The following ARHGAP32 variants were observed in gnomAD, a reference collection of about 807,000 sequenced individuals.
The protein encoded by ARHGAP32 is rho GTPase-activating protein 32.
Under a neutral mutation model 186.5 loss-of-function variants are expected in ARHGAP32, and 51 were observed. The ratio of observed to expected loss-of-function variants is 0.27; its 90% CI spans 0.22 to 0.35. The LOEUF (loss-of-function observed/expected upper bound fraction) is 0.35. Ranked by LOEUF, ARHGAP32 falls within the 10% of genes least tolerant of loss-of-function variation. The pLI is 1.00. For missense variants in ARHGAP32, 2,186 were observed against 2,623.5 expected, an observed-to-expected ratio of 0.83 and a Z score of 3.64; for synonymous variants, 950 against 964.3, an observed-to-expected ratio of 0.99 and a Z score of 0.27.
chr11:129,260,012 G>A (rs965098181), intron 1 of ARHGAP32, among the ~76,000 whole-genome samples: 38 of 152,264 alleles, frequency 2.5e-4, no homozygotes, highest in African/African-American at 8.9e-4. Context: ...CACAGCCACA[G>A]AAGTTCAAAG....
intron 11 of ARHGAP32, among the ~76,000 whole-genome samples, chr11:129,016,851 G>A (rs895201735): frequency 1.8e-4 from 28 of 152,256 alleles, no homozygotes; most frequent in African/African-American, 6.5e-4. Context: ...GAACATAATA[G>A]ATCTCTCCAC....
At chr11:129,218,457 C>G (rs991973885) in intron 1 of ARHGAP32, among the ~76,000 whole-genome samples, 9 of 152,050 alleles carry the variant, frequency 5.9e-5, no homozygotes, top group African/African-American at 1.9e-4. Flanking sequence ...ATCTCACACA[C>G]ACACACACAC....
chr11:128,999,735 G>A (rs1946303786), intron 11 of ARHGAP32, among the ~76,000 whole-genome samples: 1 of 152,164 alleles, frequency 6.6e-6, no homozygotes, highest in African/African-American at 2.4e-5. Context: ...ACTGGGGGCT[G>A]GTTCCCCCGA....
At chr11:129,251,720 T>G (rs1945186668) in intron 1 of ARHGAP32, among the ~76,000 whole-genome samples, 1 of 151,670 alleles carries the variant, frequency 6.6e-6, no homozygotes, top group East Asian at 1.9e-4. Context: ...GATCAGGAGA[T>G]TGAGACCATC....
At chr11:129,254,012 A>G (rs1945221445) in intron 1 of ARHGAP32, among the ~76,000 whole-genome samples, 1 of 152,190 alleles carries the variant, frequency 6.6e-6, no homozygotes, top group Admixed American at 6.5e-5. Context: ...GTTTAATTCC[A>G]TTAAAATTAC....
chr11:129,018,314 A>C (rs1938448287), intron 11 of ARHGAP32, among the ~76,000 whole-genome samples: 1 of 152,202 alleles, frequency 6.6e-6, no homozygotes, highest in African/African-American at 2.4e-5. Flanking sequence ...AAAGGAAGAC[A>C]AACACAGAAG....
At chr11:129,265,279 T>C (rs1018855360) in intron 1 of ARHGAP32, among the ~76,000 whole-genome samples, 7 of 152,146 alleles carry the variant, frequency 4.6e-5, no homozygotes, top group Non-Finnish European at 1.0e-4. Context: ...AGTAAAACCT[T>C]GACTACTCAG....
At chr11:129,275,518 T>C (rs1945519455) in intron 1 of ARHGAP32, among the ~76,000 whole-genome samples, 1 of 152,204 alleles carries the variant, frequency 6.6e-6, no homozygotes, top group Non-Finnish European at 1.5e-5. Context: ...TTCTTAACCT[T>C]ATAATGGCTA....
chr11:128,974,535 C>T lies in ARHGAP32; in HGVS notation c.2662G>A (p.Glu888Lys). ...GAGGATGGCTTAGATGATTTATCTT[C>T]AGTTGGGCTCAAGTCCAGGGTAAAG... ...PFFTLDLSPT[E>K]DKSSKPSSFT... is the part of the protein sequence containing the mutation. Residue 888 changes from glutamate to lysine, a missense_variant, in exon 21 of 23, where the codon GAA becomes AAA. Physicochemically the swap from Glu to Lys is moderately conservative, Grantham distance 56. Coordinates refer to ENST00000682385, the MANE Select transcript of ARHGAP32 (RefSeq NM_001378024.1). The T allele has an allele frequency of 6.2e-7, 1 of 1,614,174 alleles. No individual in the cohort carries two copies. The highest frequency in any genetic ancestry group is 8.5e-7 in the Non-Finnish European group (1 of 1,180,030).
At chr11:129,198,993 T>C (rs753212588) in intron 1 of ARHGAP32, among the ~76,000 whole-genome samples, 21 of 152,148 alleles carry the variant, frequency 1.4e-4, no homozygotes, top group Admixed American at 3.9e-4. Flanking sequence ...AGAGTAAAGG[T>C]GACCCTTGCT....
chr11:129,065,316 A>G (rs946719626), intron 7 of ARHGAP32, among the ~76,000 whole-genome samples: 1 of 152,100 alleles, frequency 6.6e-6, no homozygotes, highest in Non-Finnish European at 1.5e-5. Flanking sequence ...TTCCATGCAC[A>G]TGGCCTGTGG....
intron 1 of ARHGAP32, among the ~76,000 whole-genome samples, chr11:129,180,651 T>C (rs545571535): frequency 6.6e-6 from 1 of 152,274 alleles, no homozygotes; most frequent in South Asian, 2.1e-4. Context: ...TTTAAAATTA[T>C]GGACAAATTT....
intron 1 of ARHGAP32, among the ~76,000 whole-genome samples, chr11:129,245,848 G>T (rs918421775): frequency 6.6e-6 from 1 of 151,928 alleles, no homozygotes; most frequent in African/African-American, 2.4e-5. Flanking sequence ...CAGTGTTTAG[G>T]GGTGGTTGTT....
At chr11:129,092,589 G>A (rs1565418381) in intron 6 of ARHGAP32, among the ~76,000 whole-genome samples, 2 of 151,958 alleles carry the variant, frequency 1.3e-5, no homozygotes, top group South Asian at 2.1e-4. Flanking sequence ...AACAATACGT[G>A]AATTTGGCCA....
intron 1 of ARHGAP32, among the ~76,000 whole-genome samples, chr11:129,263,623 G>A (rs1473397512): frequency 6.7e-6 from 1 of 148,994 alleles, no homozygotes. Flanking sequence ...GCGGGGAGAG[G>A]GGGAGGGGAG....
At chr11:129,272,101 T>G (rs952747747) in intron 1 of ARHGAP32, among the ~76,000 whole-genome samples, 1 of 152,096 alleles carries the variant, frequency 6.6e-6, no homozygotes, top group African/African-American at 2.4e-5. Flanking sequence ...TAAACAACTC[T>G]TGAAATTTCT....
At chr11:129,049,650 G>A (rs1430135763) in intron 10 of ARHGAP32, among the ~76,000 whole-genome samples, 1 of 151,162 alleles carries the variant, frequency 6.6e-6, no homozygotes, top group Non-Finnish European at 1.5e-5. Flanking sequence ...ACTCTTTTTT[G>A]TCTGCCTTCT....
chr11:129,095,894 A>G (rs1055095606), intron 5 of ARHGAP32, among the ~76,000 whole-genome samples: 1 of 152,248 alleles, frequency 6.6e-6, no homozygotes, highest in Non-Finnish European at 1.5e-5. Context: ...GCATCTCACC[A>G]CTCTTCAGTT....
intron 11 of ARHGAP32, among the ~76,000 whole-genome samples, chr11:129,028,611 T>C (rs1011989892): frequency 1.3e-5 from 2 of 152,228 alleles, no homozygotes; most frequent in South Asian, 2.1e-4. Flanking sequence ...AGGCATTCGT[T>C]GTGTAACCAC....
Sources: allele counts gnomAD v4.1 joint callset (sites outside exome capture counted in the v4.1 genomes callset), GRCh38; gene constraint gnomAD v4.1.1; transcripts MANE v1.5; gene names NCBI Gene and HGNC (gene_info 2026-07-23, HGNC 2026-07-21).